RBMS1: variants seen among roughly 807,000 people sequenced by gnomAD.
The protein encoded by RBMS1 is RNA-binding motif, single-stranded-interacting protein 1.
A neutral mutation model predicts 62.3 loss-of-function variants in RBMS1; 17 were observed. The observed-to-expected ratio is 0.27, with a 90% CI of 0.19 to 0.41. The LOEUF is 0.41. RBMS1 is among the 10% of genes least tolerant of loss of function. RBMS1 has a pLI of 1.00. For synonymous variants in RBMS1, 172 were observed against 170.0 expected, an observed-to-expected ratio of 1.01 and a Z score of -0.09; for missense variants, 334 against 504.5, an observed-to-expected ratio of 0.66 and a Z score of 3.24.
intron 1 of RBMS1, among the ~76,000 whole-genome samples, chr2:160,374,613 AAAT>A (rs200882104): frequency 0.021 from 3,258 of 152,276 alleles, 44 homozygotes; most frequent in Non-Finnish European, 0.03. Flanking sequence ...CCTTCTATAA[AAAT>A]AATGTTTATA....
intron 2 of RBMS1, among the ~76,000 whole-genome samples, chr2:160,323,537 T>C (rs1399026801): frequency 6.8e-6 from 1 of 148,028 alleles, no homozygotes; most frequent in Non-Finnish European, 1.5e-5. Flanking sequence ...ACAGGTCTCC[T>C]GACTGGCGGA....
chr2:160,310,107 T>C (rs543927137), intron 4 of RBMS1, among the ~76,000 whole-genome samples: 1 of 152,356 alleles, frequency 6.6e-6, no homozygotes, highest in South Asian at 2.1e-4. Context: ...AAAATTATAA[T>C]GTATTACACA....
chr2:160,366,281 A>C (rs2106023508), intron 2 of RBMS1, among the ~76,000 whole-genome samples: 1 of 152,346 alleles, frequency 6.6e-6, no homozygotes, highest in South Asian at 2.1e-4. Flanking sequence ...AGAAGTAATG[A>C]ATCTGGATTT....
At chr2:160,450,016 C>G (rs911977844) in intron 1 of RBMS1, among the ~76,000 whole-genome samples, 1 of 152,064 alleles carries the variant, frequency 6.6e-6, no homozygotes, top group Non-Finnish European at 1.5e-5. Context: ...TCAAGCCCAC[C>G]CTCCTTCTTT....
intron 2 of RBMS1, among the ~76,000 whole-genome samples, chr2:160,335,474 A>G (rs1559400656): frequency 6.6e-6 from 1 of 152,202 alleles, no homozygotes; most frequent in Non-Finnish European, 1.5e-5. Context: ...AAAAATGTTA[A>G]TGTGCTGGAG....
chr2:160,468,170 G>T (rs1415595499), intron 1 of RBMS1, among the ~76,000 whole-genome samples: 1 of 152,170 alleles, frequency 6.6e-6, no homozygotes, highest in Non-Finnish European at 1.5e-5. Context: ...TAGAATTAAA[G>T]AAATGTAGTA....
At chr2:160,307,503 C>T (rs1010508767) in intron 4 of RBMS1, among the ~76,000 whole-genome samples, 1 of 152,010 alleles carries the variant, frequency 6.6e-6, no homozygotes, top group African/African-American at 2.4e-5. Flanking sequence ...TGTCCATTAG[C>T]GTTTTCTGTC....
intron 1 of RBMS1, among the ~76,000 whole-genome samples, chr2:160,387,727 C>T (rs1044780872): frequency 6.6e-6 from 1 of 152,090 alleles, no homozygotes. Context: ...GACAGCCTCC[C>T]CCACAAAACA....
intron 1 of RBMS1, among the ~76,000 whole-genome samples, chr2:160,464,900 G>A (rs1439992986): frequency 1.3e-5 from 2 of 152,162 alleles, no homozygotes. Context: ...CCATAAGGAA[G>A]GATTTCCACT....
At chr2:160,365,859 T>C (rs756889577) in intron 2 of RBMS1, among the ~76,000 whole-genome samples, 7 of 152,234 alleles carry the variant, frequency 4.6e-5, no homozygotes, top group South Asian at 4.1e-4. Flanking sequence ...AAAGGCTTAT[T>C]TGTGGTCTTG....
intron 2 of RBMS1, among the ~76,000 whole-genome samples, chr2:160,318,747 T>C (rs1382357678): frequency 6.6e-6 from 1 of 152,220 alleles, no homozygotes; most frequent in Non-Finnish European, 1.5e-5. Context: ...GTGCGCATGT[T>C]TATGTTTAGC....
At chr2:160,436,906 T>C (rs572445519) in intron 1 of RBMS1, among the ~76,000 whole-genome samples, 1 of 152,308 alleles carries the variant, frequency 6.6e-6, no homozygotes, top group East Asian at 1.9e-4. Context: ...ATTTTCACAT[T>C]GTTTGAAGAC....
rs549143973 is a variant in RBMS1, at chr2:160,493,137, T to A, written c.75+152A>T. The A allele has an allele frequency of 6.3e-4, 462 of 733,426 alleles. 5 individuals carry two copies. The highest frequency in any genetic ancestry group is 4.6e-3 in the South Asian group (232 of 49,984). 45.4% of individuals were successfully genotyped at this position (733,426 alleles called of 1,614,324 possible). ...GCCGCCGCCCCGCGCGCCGCCCGGC[T>A]CTGCCCAGGCCAGCGCTATAGTTAG... On this transcript the variant is annotated intron_variant, in intron 1 of 13. Transcript: ENST00000348849.
chr2:160,345,274 A>G (rs548933781), intron 2 of RBMS1, among the ~76,000 whole-genome samples: 10 of 152,244 alleles, frequency 6.6e-5, no homozygotes, highest in African/African-American at 2.4e-4. Flanking sequence ...AGAAATGATC[A>G]GTTTATAGAG....
chr2:160,484,496 CACAACA>C (rs757445379), intron 1 of RBMS1, among the ~76,000 whole-genome samples: 1 of 149,216 alleles, frequency 6.7e-6, no homozygotes, highest in African/African-American at 2.5e-5. Context: ...GAGACTCCGT[CACAACA>C]ACAACAACAA....
intron 4 of RBMS1, among the ~76,000 whole-genome samples, chr2:160,304,625 ATGTG>A (rs746791649): frequency 3.3e-5 from 5 of 152,216 alleles, no homozygotes; most frequent in Non-Finnish European, 5.9e-5. Flanking sequence ...GCCCTGGCTA[ATGTG>A]TGTGTTAGTG....
intron 2 of RBMS1, among the ~76,000 whole-genome samples, chr2:160,324,935 C>CACAT (rs1204347496): frequency 6.9e-6 from 1 of 145,154 alleles, no homozygotes; most frequent in East Asian, 2.0e-4. Flanking sequence ...CACACACACA[C>CACAT]ACATATATAT....
At chr2:160,424,221 G>A (rs1056494138) in intron 1 of RBMS1, among the ~76,000 whole-genome samples, 2 of 151,910 alleles carry the variant, frequency 1.3e-5, no homozygotes, top group African/African-American at 4.8e-5. Context: ...GTTTCACCAT[G>A]TTGGCCAGGC....
chr2:160,364,721 CT>C (rs1693306851), intron 2 of RBMS1, among the ~76,000 whole-genome samples: 1 of 152,124 alleles, frequency 6.6e-6, no homozygotes, highest in South Asian at 2.1e-4. Flanking sequence ...TCATGTCATA[CT>C]TGCCTTTGGA....
Sources: allele counts gnomAD v4.1 joint callset (sites outside exome capture counted in the v4.1 genomes callset), GRCh38; gene constraint gnomAD v4.1.1; transcripts MANE v1.5; gene names NCBI Gene and HGNC (gene_info 2026-07-23, HGNC 2026-07-21).